Variants in NTRK2 observed in about 807,000 individuals in gnomAD.
The protein encoded by NTRK2 is neurotrophic receptor tyrosine kinase 2.
In NTRK2, 13 loss-of-function variants were observed where a neutral mutation model predicts 94.5. That is an observed-to-expected ratio of 0.14 (90% CI 0.09 to 0.22). The LOEUF (loss-of-function observed/expected upper bound fraction) is 0.22. Ranked by LOEUF, NTRK2 falls within the 10% of genes least tolerant of loss-of-function variation. The pLI is 1.00. For synonymous variants in NTRK2, 372 were observed against 407.4 expected, an observed-to-expected ratio of 0.91 and a Z score of 1.05; for missense variants, 639 against 1,071.2, an observed-to-expected ratio of 0.60 and a Z score of 5.63.
chr9:84,714,433 A>T (rs995634943), intron 6 of NTRK2, among the ~76,000 whole-genome samples: 3 of 152,176 alleles, frequency 2.0e-5, no homozygotes, highest in African/African-American at 7.2e-5. Flanking sequence ...TCCATCAGCG[A>T]TGTGCCTTCT....
intron 12 of NTRK2, among the ~76,000 whole-genome samples, chr9:84,759,341 C>G (rs541154328): frequency 5.3e-5 from 8 of 152,352 alleles, no homozygotes; most frequent in African/African-American, 1.9e-4. Flanking sequence ...AAATGTGTGT[C>G]AGACTTCTAA....
chr9:84,818,891 G>C (rs956996155), intron 12 of NTRK2, among the ~76,000 whole-genome samples: 7 of 152,138 alleles, frequency 4.6e-5, no homozygotes, highest in African/African-American at 1.4e-4. Flanking sequence ...CTTGCCTTTC[G>C]AACACCCACA....
chr9:84,770,298 C>T (rs1025221762), intron 12 of NTRK2, among the ~76,000 whole-genome samples: 1 of 152,000 alleles, frequency 6.6e-6, no homozygotes, highest in African/African-American at 2.4e-5. Flanking sequence ...GAAAGGTCAC[C>T]CTCTTGTCTT....
chr9:84,783,270 T>C (rs2067783598), intron 12 of NTRK2, among the ~76,000 whole-genome samples: 2 of 152,236 alleles, frequency 1.3e-5, no homozygotes, highest in Admixed American at 1.3e-4. Context: ...TGTATTTTTG[T>C]ATCTGTATCA....
At chr9:85,018,949 C>A (rs1832537663) in intron 17 of NTRK2, among the ~76,000 whole-genome samples, 1 of 152,058 alleles carries the variant, frequency 6.6e-6, no homozygotes, top group African/African-American at 2.4e-5. Flanking sequence ...AAGTTTTTGT[C>A]CCTATTTGTC....
chr9:84,816,571 G>A (rs551517174), intron 12 of NTRK2, among the ~76,000 whole-genome samples: 34 of 151,866 alleles, frequency 2.2e-4, no homozygotes, highest in Admixed American at 1.2e-3. Context: ...ATGAGGTCGA[G>A]AGTTCAAGAC....
intron 14 of NTRK2, chr9:84,877,536 C>T (rs199997139): frequency 9.4e-7 from 1 of 1,066,616 alleles, no homozygotes; most frequent in African/African-American, 1.6e-5. Context: ...GGACCCCCCT[C>T]CTACCAGGGC....
intron 14 of NTRK2, among the ~76,000 whole-genome samples, chr9:84,924,594 G>A (rs1391029588): frequency 6.6e-6 from 1 of 152,210 alleles, no homozygotes; most frequent in African/African-American, 2.4e-5. Context: ...GCTGTTCGGG[G>A]ATGTCAAAGC....
At chr9:84,882,712 GTGTGTGTGCGCGCGCGCGCGCA>G (rs2076290734) in intron 14 of NTRK2, among the ~76,000 whole-genome samples, 1 of 149,604 alleles carries the variant, frequency 6.7e-6, no homozygotes, top group African/African-American at 2.5e-5. Context: ...GTGTGTGTGT[GTGTGTGTGCGCGCGCGCGCGCA>G]TGTGTGCATT....
chr9:84,902,677 C>T (rs1446670756), intron 14 of NTRK2, among the ~76,000 whole-genome samples: 2 of 152,176 alleles, frequency 1.3e-5, no homozygotes, highest in Non-Finnish European at 2.9e-5. Flanking sequence ...CTAACTCTAT[C>T]CCCTCAATCT....
intron 6 of NTRK2, among the ~76,000 whole-genome samples, chr9:84,720,599 T>C (rs990808613): frequency 1.3e-5 from 2 of 152,018 alleles, no homozygotes; most frequent in Non-Finnish European, 2.9e-5. Flanking sequence ...CTTAAAGATG[T>C]ATGAATAGCC....
chr9:84,865,566 T>TC (rs1306191697), intron 13 of NTRK2, among the ~76,000 whole-genome samples: 3 of 152,188 alleles, frequency 2.0e-5, no homozygotes, highest in African/African-American at 7.2e-5. Context: ...GCTGTGCTTC[T>TC]CACTAAAATA....
At chr9:84,948,386 T>G (rs2132877843) in intron 15 of NTRK2, 76 bp from the exon 16 acceptor site, 1 of 1,463,248 alleles carries the variant, frequency 6.8e-7, no homozygotes, top group Non-Finnish European at 9.5e-7. Context: ...GCCTAACAAA[T>G]GAGATGGATG....
At position 84,714,167 on chromosome 9, in the gene NTRK2, AT is replaced by A. The variant is rs373671257; in HGVS notation, c.583+3384del. The stretch of plus-strand genomic sequence containing the variant: ...TTTTCAGCTGTTTCTCCAGCTGCTG[AT>A]TTTTTTTCCTTTCAACCACTGATGA... On this transcript the variant is annotated intron_variant, in intron 6 of 18. Transcript: ENST00000277120. Among the ~76,000 whole-genome samples, 154 of 151,684 alleles carry A rather than the reference AT, an allele frequency of 1.0e-3. No individual in the cohort carries two copies. In the East Asian group the frequency reaches 0.027, roughly 26 times the overall value.
chr9:84,744,366 C>T (rs1486461565), intron 10 of NTRK2, among the ~76,000 whole-genome samples: 1 of 152,168 alleles, frequency 6.6e-6, no homozygotes, highest in East Asian at 1.9e-4. Context: ...CAATTCAGAA[C>T]TCTTCAAAAA....
At chr9:84,834,800 T>C (rs1478376753) in intron 12 of NTRK2, among the ~76,000 whole-genome samples, 1 of 152,184 alleles carries the variant, frequency 6.6e-6, no homozygotes, top group Non-Finnish European at 1.5e-5. Context: ...TCATATAGCT[T>C]AGCAGGGCTG....
Position 84,724,435 on chromosome 9 carries a change from G to T in NTRK2, c.853+79G>T, listed in dbSNP as rs531399243. ...TACGTTTGTTGCTGGGGCACTCTGG[G>T]TGCTGCTTAAATTTGTTAAAAAAAG... is the stretch of plus-strand genomic sequence containing the variant. On this transcript the variant is annotated intron_variant, in intron 8 of 18. Coordinates refer to ENST00000277120, the MANE Select transcript of NTRK2 (RefSeq NM_006180.6). The T allele has an allele frequency of 3.9e-6, 6 of 1,553,268 alleles. No individual in the cohort carries two copies. In the African/African-American group the frequency reaches 5.4e-5, roughly 14 times the overall value.
At chr9:84,743,568 A>T (rs1217649455) in intron 10 of NTRK2, among the ~76,000 whole-genome samples, 1 of 152,212 alleles carries the variant, frequency 6.6e-6, no homozygotes, top group Non-Finnish European at 1.5e-5. Context: ...TTAAAGGAAG[A>T]ATCTCTCAAA....
intron 12 of NTRK2, among the ~76,000 whole-genome samples, chr9:84,829,689 C>T (rs1177937537): frequency 6.6e-6 from 1 of 152,120 alleles, no homozygotes; most frequent in Non-Finnish European, 1.5e-5. Context: ...TGCTCCTCGC[C>T]GACATGCCAA....
Sources: allele counts gnomAD v4.1 joint callset (sites outside exome capture counted in the v4.1 genomes callset), GRCh38; gene constraint gnomAD v4.1.1; transcripts MANE v1.5; gene names NCBI Gene and HGNC (gene_info 2026-07-23, HGNC 2026-07-21).